ASPSCR1: variants seen among roughly 807,000 people sequenced by gnomAD.
ASPSCR1 encodes the protein ASPSCR1 tether for SLC2A4, UBX domain containing, also known as tether containing UBX domain for GLUT4.
ASPSCR1 carries 55 observed loss-of-function variants against 68.9 expected under a neutral mutation model. The observed-to-expected ratio is 0.80, with a 90% CI of 0.64 to 1.00. ASPSCR1 has a LOEUF of 1.00. Among genes scored for constraint, ASPSCR1 ranks in the 50% least tolerant of loss-of-function variants. ASPSCR1 has a pLI of 0.00. For missense variants in ASPSCR1, 765 were observed against 762.2 expected (o/e 1.00, Z -0.04); for synonymous variants, 352 against 332.6 (o/e 1.06, Z -0.63).
chr17:81,998,162 G>A (rs2042416679), intron 7 of ASPSCR1, among the ~76,000 whole-genome samples: 1 of 152,074 alleles, frequency 6.6e-6, no homozygotes, highest in East Asian at 1.9e-4. Context: ...ATAAAGACGA[G>A]GTCTCTCTCT....
chr17:82,005,707 C>T (rs1346938216), intron 7 of ASPSCR1: 1 of 152,268 alleles, frequency 6.6e-6, no homozygotes, highest in African/African-American at 2.4e-5. Context: ...GTTGCCTCCT[C>T]CCTGAAACCT....
chr17:82,012,203 C>T lies in ASPSCR1; in HGVS notation c.1301-28C>T, dbSNP rs371423253. 8.1e-6 allele frequency: 13 copies of T among 1,610,720 alleles called. No individual in the cohort carries two copies. In the African/African-American group the frequency reaches 1.7e-4, roughly 22 times the overall value. On this transcript the variant is annotated intron_variant, in intron 11 of 15. Transcript: ENST00000306739. ...GGATGGGCGAGGTCCACGGTGCTTCCTAACACGTAGGTGCCTTCTCTCCTC... is the reference window on the plus strand; with the variant it reads ...GGATGGGCGAGGTCCACGGTGCTTCTTAACACGTAGGTGCCTTCTCTCCTC...
chr17:81,998,061 A>G (rs1252224555), intron 7 of ASPSCR1, among the ~76,000 whole-genome samples: 2 of 141,522 alleles, frequency 1.4e-5, no homozygotes, highest in Admixed American at 7.1e-5. Context: ...TCCTGACCTC[A>G]GGTGATCCGC....
At chr17:82,012,383 G>T (rs1040792850) in intron 12 of ASPSCR1, 100 bp downstream of exon 12, 1 of 1,392,340 alleles carries the variant, frequency 7.2e-7, no homozygotes, top group Non-Finnish European at 1.0e-6. Flanking sequence ...CCTGGCAGGC[G>T]CTGGGGCAGG....
rs369139907 is a variant in ASPSCR1 at position 81,996,024 on chromosome 17, G to A, written c.465G>A (p.Thr155=). 111 of 1,610,396 alleles carry A rather than the reference G, an allele frequency of 6.9e-5. No homozygotes were observed. Among genetic ancestry groups the A allele is most frequent in the Middle Eastern group, 1.7e-4 (1 of 6,028 alleles). The change falls in exon 6 of 16, where the codon ACG becomes ACA. Residue 155 remains threonine (T), a synonymous_variant. Transcript: ENST00000306739. ...GTGAAGCTGCCCTGCGGGGCACGAC[G>A]CTGCAGTCGCTGGGCCTGACCGGGG... The part of the protein sequence containing the change: ...VTGEAALRGT[T]LQSLGLTGGS...
chr17:81,979,365 T>C (rs970016592), intron 2 of ASPSCR1, 126 bp downstream of exon 2: 1 of 1,070,568 alleles, frequency 9.3e-7, no homozygotes, highest in Non-Finnish European at 1.4e-6. Flanking sequence ...CTCCCAACTC[T>C]GGAGACCCAA....
intron 7 of ASPSCR1, among the ~76,000 whole-genome samples, chr17:82,000,032 C>G (rs1241162803): frequency 6.6e-6 from 1 of 152,222 alleles, no homozygotes; most frequent in Non-Finnish European, 1.5e-5. Context: ...GGAACTCTGC[C>G]AAACTCTGCA....
chr17:82,005,889 A>G (rs2042697161), intron 7 of ASPSCR1: 1 of 152,302 alleles, frequency 6.6e-6, no homozygotes, highest in African/African-American at 2.4e-5. Flanking sequence ...CAGCAGGGAC[A>G]TTTCCAGTGT....
chr17:81,983,673 G>T lies in ASPSCR1; in HGVS notation c.273+5G>T. The T allele has an allele frequency of 1.2e-6, 2 of 1,605,050 alleles. No individual in the cohort carries two copies. The highest frequency in any genetic ancestry group is 1.7e-6 in the Non-Finnish European group (2 of 1,174,658). On this transcript the variant is annotated splice_donor_5th_base_variant and intron_variant, in intron 3 of 15. Transcript: ENST00000306739. The surrounding 1 kb of genome is among the most constrained non-coding windows in gnomAD (Gnocchi z 4.4). ...CGTGAGGGGCCTGAGAACATGGTGGGTCGTGCTCTGGGGGAGGCTGACTGT... is the reference window on the plus strand; with the variant it reads ...CGTGAGGGGCCTGAGAACATGGTGGTTCGTGCTCTGGGGGAGGCTGACTGT...
chr17:81,981,334 G>A (rs2041788123), intron 2 of ASPSCR1, among the ~76,000 whole-genome samples: 1 of 151,796 alleles, frequency 6.6e-6, no homozygotes, highest in African/African-American at 2.4e-5. Context: ...GAGGAGGCTG[G>A]TTCAGTTGGT....
Position 82,000,224 on chromosome 17 carries a change from C to T in ASPSCR1, c.933+3378C>T, listed in dbSNP as rs894771698. Among the ~76,000 whole-genome samples, 14 of 152,342 alleles carry T rather than the reference C, an allele frequency of 9.2e-5. No homozygotes were observed. In the South Asian group the frequency reaches 1.4e-3, roughly 16 times the overall value. ...CAGCCCCTTCCCTCCGTGACCAGGGCGGGTCTTGTCTGCAGAGCGTGGGGC... is the reference window on the plus strand; with the variant it reads ...CAGCCCCTTCCCTCCGTGACCAGGGTGGGTCTTGTCTGCAGAGCGTGGGGC... On this transcript the variant is annotated intron_variant, in intron 7 of 15. Coordinates refer to ENST00000306739, the MANE Select transcript of ASPSCR1 (RefSeq NM_024083.4).
At chr17:81,985,717 G>T in intron 4 of ASPSCR1, 110 bp downstream of exon 4, 1 of 1,107,946 alleles carries the variant, frequency 9.0e-7, no homozygotes. Flanking sequence ...CTGGCCTGTG[G>T]TGCCTCTTGG....
At chr17:82,010,645 C>T (rs921109303) in intron 9 of ASPSCR1, among the ~76,000 whole-genome samples, 157 bp from the exon 10 acceptor site, 9 of 152,110 alleles carry the variant, frequency 5.9e-5, no homozygotes, top group Non-Finnish European at 7.4e-5. Flanking sequence ...CAGCCTGCCA[C>T]GGGGGAGTCA....
chr17:82,002,003 CTTTTTTT>C (rs71166183), intron 7 of ASPSCR1, among the ~76,000 whole-genome samples: 2 of 93,814 alleles, frequency 2.1e-5, no homozygotes, highest in East Asian at 5.7e-4. Flanking sequence ...TTTCTTTTTC[CTTTTTTT>C]TTTTTTTTTT....
At chr17:82,012,120 C>A (rs1160163708) in intron 11 of ASPSCR1, 111 bp from the exon 12 acceptor site, 2 of 1,281,618 alleles carry the variant, frequency 1.6e-6, no homozygotes, top group East Asian at 4.6e-5. Context: ...GTGAGGGGCT[C>A]TTCTGCCCCA....
rs963069651 is a variant in ASPSCR1 at position 81,986,267 on chromosome 17, T to C, written c.374+660T>C. On this transcript the variant is annotated intron_variant, in intron 4 of 15. Transcript: ENST00000306739. This position sits in a 1 kb window ranked among gnomAD's most constrained non-coding sequence, Gnocchi z 5.2. ...AGTGAAACCCCTTCTCTACAAAAAA[T>C]AGAAATGTTAGGCCAGGCATAGTGC... 1.3e-5 allele frequency among the ~76,000 whole-genome samples: 2 copies of C among 151,814 alleles called. No individual in the cohort carries two copies. The highest frequency in any genetic ancestry group is 2.9e-5 in the Non-Finnish European group (2 of 67,946).
chr17:81,992,697 C>T (rs555230655), intron 4 of ASPSCR1, among the ~76,000 whole-genome samples: 1 of 152,222 alleles, frequency 6.6e-6, no homozygotes, highest in African/African-American at 2.4e-5. Context: ...GGTTCTGCTC[C>T]GGCGCATTTT....
rs775277411 is a variant in ASPSCR1, at chr17:81,996,819, T to A, written c.906T>A (p.Asp302Glu). 1 of 1,604,126 alleles carries A rather than the reference T, an allele frequency of 6.2e-7. No individual in the cohort carries two copies. Among genetic ancestry groups the A allele is most frequent in the Admixed American group, 1.7e-5 (1 of 57,448 alleles). The change falls in exon 7 of 16, where the codon GAT becomes GAA. Residue 302 changes from aspartate to glutamate, a missense_variant. By Grantham distance (45) the Asp-to-Glu change is conservative. Coordinates refer to ENST00000306739, the MANE Select transcript of ASPSCR1 (RefSeq NM_024083.4). ...QQEQEQERER[D>E]PQQEQERERP... The stretch of plus-strand genomic sequence containing the variant: ...AGCAGGAGCAGGAGCGGGAGCGGGA[T>A]CCCCAGCAGGAGCAGGAGCGGGAGC...
intron 4 of ASPSCR1, among the ~76,000 whole-genome samples, chr17:81,991,571 G>T (rs1454985796): frequency 6.6e-6 from 1 of 152,032 alleles, no homozygotes; most frequent in Non-Finnish European, 1.5e-5. Flanking sequence ...GCCCGTCCCT[G>T]TTCATCCCTG....
Sources: gnomAD v4.1 joint callset for allele counts (sites outside exome capture counted in the v4.1 genomes callset) on GRCh38, gnomAD v4.1.1 for gene constraint, Gnocchi (gnomAD v3.1) non-coding constraint, MANE v1.5 for transcripts, NCBI Gene and HGNC (gene_info 2026-07-23, HGNC 2026-07-21) for gene names.